ARHGEF7: variants seen among roughly 807,000 people sequenced by gnomAD.
ARHGEF7 encodes the protein Rho guanine nucleotide exchange factor 7.
A neutral mutation model predicts 109.8 loss-of-function variants in ARHGEF7; 33 were observed. The observed-to-expected ratio is 0.30, with a 90% CI of 0.23 to 0.40. The LOEUF is 0.40. Among genes scored for constraint, ARHGEF7 ranks in the 10% least tolerant of loss-of-function variants. The probability of loss-of-function intolerance (pLI) is 1.00; values close to 1 mark genes in which losing one functional copy is unlikely to be tolerated. For missense variants in ARHGEF7, 938 were observed against 1,098.5 expected (o/e 0.85, Z 2.07); for synonymous variants, 458 against 424.6 (o/e 1.08, Z -0.97).
chr13:111,276,807 G>A lies in ARHGEF7; in HGVS notation c.1420-780G>A, dbSNP rs563385819. 2.0e-5 allele frequency among the ~76,000 whole-genome samples: 3 copies of A among 152,242 alleles called. 1 individual carries two copies. Among genetic ancestry groups the A allele is most frequent in the African/African-American group, 7.2e-5 (3 of 41,548 alleles). On this transcript the variant is annotated intron_variant, in intron 12 of 21. Transcript: ENST00000646102. The stretch of plus-strand genomic sequence containing the variant: ...CTAATGTTCTGAGGAATATACTTGG[G>A]GAAACTAATTCCTAGGACTGATTTC...
In ARHGEF7 at chr13:111,305,693, C is replaced by A. The variant is rs2093635295; in HGVS notation, c.*2580C>A. The A allele has an allele frequency of 1.3e-5, 2 of 152,222 alleles. No individual in the cohort carries two copies. The highest frequency in any genetic ancestry group is 2.9e-5 in the Non-Finnish European group (2 of 68,044). The allele number at this position is 152,222 out of a possible 1,614,324, so 9.4% of individuals were successfully genotyped here. On this transcript the variant is annotated 3_prime_UTR_variant, in exon 22 of 22. Transcript: ENST00000646102. ...GTTGACTACTACAATGTTGATGCTA[C>A]ACTGTTGTAATTATTAAACTGATTA...
intron 13 of ARHGEF7, among the ~76,000 whole-genome samples, chr13:111,279,138 T>G (rs1341990226): frequency 6.6e-6 from 1 of 152,236 alleles, no homozygotes; most frequent in Non-Finnish European, 1.5e-5. Flanking sequence ...TCTGTAGGAC[T>G]TACAGCTGTT....
intron 9 of ARHGEF7, among the ~76,000 whole-genome samples, chr13:111,271,113 A>G (rs1368076916): frequency 4.6e-5 from 7 of 152,084 alleles, no homozygotes; most frequent in Non-Finnish European, 8.8e-5. Context: ...ATCACTTGCA[A>G]AATTGTAGGT....
intron 18 of ARHGEF7, among the ~76,000 whole-genome samples, chr13:111,289,963 G>A (rs1302502306): frequency 6.6e-6 from 1 of 152,088 alleles, no homozygotes; most frequent in East Asian, 1.9e-4. Context: ...ATAGAGAAAC[G>A]GAAAGGCCTG....
chr13:111,243,770 A>T, intron 6 of ARHGEF7, 102 bp from the exon 7 acceptor site: 1 of 693,048 alleles, frequency 1.4e-6, no homozygotes, highest in South Asian at 1.9e-5. Flanking sequence ...TAGAAGTAAC[A>T]GTGTGAATTG....
At chr13:111,158,182 C>T (rs1418904740) in intron 2 of ARHGEF7, among the ~76,000 whole-genome samples, 2 of 152,120 alleles carry the variant, frequency 1.3e-5, no homozygotes, top group African/African-American at 4.8e-5. Flanking sequence ...TATATTCATA[C>T]ATAATAGAAA....
intron 8 of ARHGEF7, chr13:111,265,478 C>T (rs1469732133): frequency 2.3e-6 from 1 of 430,476 alleles, no homozygotes; most frequent in Non-Finnish European, 4.7e-6. Flanking sequence ...CTATGACTTT[C>T]TCCAGCCAGT....
At chr13:111,134,312 A>G (rs1456589081) in intron 1 of ARHGEF7, among the ~76,000 whole-genome samples, 3 of 152,206 alleles carry the variant, frequency 2.0e-5, no homozygotes, top group Non-Finnish European at 4.4e-5. Flanking sequence ...ATACCCAGTA[A>G]TGGGATGGCT....
chr13:111,245,855 A>G (rs1043456274), intron 8 of ARHGEF7, among the ~76,000 whole-genome samples: 4 of 152,380 alleles, frequency 2.6e-5, no homozygotes, highest in African/African-American at 9.6e-5. Context: ...CAAAAAAACC[A>G]TCAAGCGAGA....
intron 1 of ARHGEF7, among the ~76,000 whole-genome samples, chr13:111,139,992 C>T (rs778680562): frequency 9.2e-5 from 14 of 152,208 alleles, no homozygotes; most frequent in Non-Finnish European, 2.9e-5. Context: ...AGGTCTTTTT[C>T]GGGATAGTTC....
chr13:111,225,429 C>T (rs1035313749), intron 5 of ARHGEF7, among the ~76,000 whole-genome samples: 4 of 152,048 alleles, frequency 2.6e-5, no homozygotes, highest in Admixed American at 6.5e-5. Context: ...GTAGCTGCCT[C>T]GCAACTCTTC....
chr13:111,136,223 T>C (rs2075079942), intron 1 of ARHGEF7, among the ~76,000 whole-genome samples: 1 of 152,204 alleles, frequency 6.6e-6, no homozygotes, highest in East Asian at 1.9e-4. Flanking sequence ...GATTTTTGCA[T>C]CAATGTTCAT....
At chr13:111,218,367 G>C (rs1242083370) in intron 5 of ARHGEF7, among the ~76,000 whole-genome samples, 2 of 152,042 alleles carry the variant, frequency 1.3e-5, no homozygotes, top group East Asian at 3.9e-4. Context: ...TTGTTTCACT[G>C]ACTTTCCGAT....
intron 18 of ARHGEF7, among the ~76,000 whole-genome samples, chr13:111,288,668 T>C (rs1305246504): frequency 6.6e-6 from 1 of 152,020 alleles, no homozygotes; most frequent in African/African-American, 2.4e-5. Flanking sequence ...CTGTGTGATT[T>C]TCTAGATAAA....
At chr13:111,233,885 C>A (rs1397614215) in intron 6 of ARHGEF7, among the ~76,000 whole-genome samples, 1 of 152,142 alleles carries the variant, frequency 6.6e-6, no homozygotes, top group East Asian at 1.9e-4. Context: ...AATGTATAGT[C>A]TCATGGTACT....
At chr13:111,122,122 C>T (rs1322083882) in intron 1 of ARHGEF7, among the ~76,000 whole-genome samples, 1 of 152,206 alleles carries the variant, frequency 6.6e-6, no homozygotes, top group African/African-American at 2.4e-5. Context: ...CTGGACAGAC[C>T]ACCATTGTCT....
intron 1 of ARHGEF7, chr13:111,153,567 G>C (rs942655722): frequency 3.9e-6 from 4 of 1,030,036 alleles, no homozygotes; most frequent in South Asian, 2.8e-5. Flanking sequence ...AGCAGGGTGG[G>C]CTGCGTCCGC....
At position 111,305,304 on chromosome 13, in the gene ARHGEF7, C is replaced by T. The variant is rs543770608; in HGVS notation, c.*2191C>T. ...TTGTATATAACTGTGTCTGTTTCAC[C>T]GTGTGACCTCCCAAGGGGGTGGGAA... On this transcript the variant is annotated 3_prime_UTR_variant, in exon 22 of 22. Transcript: ENST00000646102. 8.5e-5 allele frequency: 13 copies of T among 152,322 alleles called. No individual in the cohort carries two copies. Among genetic ancestry groups the T allele is most frequent in the Admixed American group, 1.3e-4 (2 of 15,310 alleles). The allele number at this position is 152,322 out of a possible 1,614,324, so 9.4% of individuals were successfully genotyped here.
At chr13:111,237,787 C>T (rs1566925079) in intron 6 of ARHGEF7, among the ~76,000 whole-genome samples, 2 of 152,174 alleles carry the variant, frequency 1.3e-5, no homozygotes, top group South Asian at 4.1e-4. Context: ...TGAAATTACA[C>T]AGGTGATATG....
Sources: gnomAD v4.1 joint callset for allele counts (sites outside exome capture counted in the v4.1 genomes callset) on GRCh38, gnomAD v4.1.1 for gene constraint, MANE v1.5 for transcripts, NCBI Gene and HGNC (gene_info 2026-07-23, HGNC 2026-07-21) for gene names.